Variants in HPSE2 observed in about 807,000 individuals in gnomAD.
The protein encoded by HPSE2 is inactive heparanase-2.
In HPSE2, 38 loss-of-function variants were observed where a neutral mutation model predicts 60.5. The observed-to-expected ratio is 0.63, with a 90% CI of 0.48 to 0.82. The LOEUF (loss-of-function observed/expected upper bound fraction) is 0.82. HPSE2 is among the 40% of genes least tolerant of loss of function. The probability of loss-of-function intolerance (pLI) is 0.00; values close to 1 mark genes in which losing one functional copy is unlikely to be tolerated. For synonymous variants in HPSE2, 295 were observed against 293.2 expected, an observed-to-expected ratio of 1.01 and a Z score of -0.06; for missense variants, 713 against 740.4, an observed-to-expected ratio of 0.96 and a Z score of 0.43.
At chr10:98,471,538 C>T (rs1940779884) in intron 11 of HPSE2, among the ~76,000 whole-genome samples, 1 of 152,074 alleles carries the variant, frequency 6.6e-6, no homozygotes, top group Admixed American at 6.6e-5. Context: ...CAGGAGGCTA[C>T]ATTTTTTTTT....
At chr10:99,275,434 G>A in the HPSE2 span, among the ~76,000 whole-genome samples, 1 of 150,612 alleles carries the variant, frequency 6.6e-6, no homozygotes, top group Non-Finnish European at 1.5e-5. Context: ...TTTAACTTGG[G>A]ACATTTATGA....
chr10:98,643,777 T>A (rs1289648301), intron 6 of HPSE2, among the ~76,000 whole-genome samples: 1 of 152,176 alleles, frequency 6.6e-6, no homozygotes, highest in African/African-American at 2.4e-5. Flanking sequence ...AGTGTTAAAA[T>A]TAAAAATAAT....
At chr10:98,578,362 A>G (rs962576141) in intron 9 of HPSE2, among the ~76,000 whole-genome samples, 2 of 151,378 alleles carry the variant, frequency 1.3e-5, no homozygotes, top group African/African-American at 4.8e-5. Context: ...GACACTTTCA[A>G]CCAACTATTT....
intron 3 of HPSE2, among the ~76,000 whole-genome samples, chr10:98,972,465 T>C (rs1213042795): frequency 1.3e-5 from 2 of 152,166 alleles, no homozygotes; most frequent in Non-Finnish European, 1.5e-5. Context: ...CTCGAGCCCT[T>C]AGTTCACAGA....
the HPSE2 span, among the ~76,000 whole-genome samples, chr10:99,273,609 C>G: frequency 6.6e-6 from 1 of 152,168 alleles, no homozygotes; most frequent in Non-Finnish European, 1.5e-5. Flanking sequence ...AAACCAACCC[C>G]TAAAGATATG....
chr10:99,048,137 A>G, intron 3 of HPSE2: 1 of 927,664 alleles, frequency 1.1e-6, no homozygotes, highest in East Asian at 2.5e-5. Flanking sequence ...TAAGAAGCAA[A>G]TTGCTTTGAC....
intron 3 of HPSE2, among the ~76,000 whole-genome samples, chr10:99,061,535 T>C (rs1285297693): frequency 6.6e-6 from 1 of 152,252 alleles, no homozygotes; most frequent in Non-Finnish European, 1.5e-5. Flanking sequence ...TTATTGATTT[T>C]ATGGCTTTAA....
At chr10:98,492,765 T>C (rs951562359) in intron 9 of HPSE2, among the ~76,000 whole-genome samples, 1 of 151,884 alleles carries the variant, frequency 6.6e-6, no homozygotes, top group African/African-American at 2.4e-5. Flanking sequence ...AAGAAGTTGA[T>C]AAGGTTAATT....
chr10:99,048,613 G>A (rs11189952), intron 3 of HPSE2, among the ~76,000 whole-genome samples: 15,088 of 152,048 alleles, frequency 0.099, 809 homozygotes, highest in South Asian at 0.18. Context: ...AAAAGGGGGT[G>A]CTTATACACT....
chr10:99,264,069 G>GTTTCT, the HPSE2 span, among the ~76,000 whole-genome samples: 5 of 151,776 alleles, frequency 3.3e-5, no homozygotes, highest in Admixed American at 6.6e-5. Flanking sequence ...TCTCCTGGCA[G>GTTTCT]TTTCTTTTCT....
intron 3 of HPSE2, among the ~76,000 whole-genome samples, chr10:98,860,152 A>ATTTTTATT (rs1463685872): frequency 6.6e-6 from 1 of 152,160 alleles, no homozygotes; most frequent in Non-Finnish European, 1.5e-5. Flanking sequence ...ATATATCTAT[A>ATTTTTATT]TATTCCCTAT....
chr10:99,289,005 T>C, the HPSE2 span, among the ~76,000 whole-genome samples: 1 of 152,312 alleles, frequency 6.6e-6, no homozygotes, highest in Admixed American at 6.5e-5. Flanking sequence ...TATAATTAAA[T>C]TGGGCCATGG....
At chr10:98,852,151 GTGTGTGTGTGTGTGTATA>G (rs1311129998) in intron 3 of HPSE2, among the ~76,000 whole-genome samples, 4,854 of 139,694 alleles carry the variant, frequency 0.035, 306 homozygotes, top group African/African-American at 0.12. Flanking sequence ...GTGTGTGTGT[GTGTGTGTGTGTGTGTATA>G]TATGTTTGGT....
chr10:98,964,478 C>T (rs189119016), intron 3 of HPSE2, among the ~76,000 whole-genome samples: 1 of 152,116 alleles, frequency 6.6e-6, no homozygotes, highest in African/African-American at 2.4e-5. Flanking sequence ...GAGCACATTG[C>T]TTATTACATT....
Position 99,144,367 on chromosome 10 carries a change from G to C in HPSE2, c.481C>G (p.Gln161Glu). ...TGCTGGGCAATCTTGCAGCCTTTCT[G>C]TTTATCTAAGGCAACATCACTTCGA... Reference protein sequence around the residue: ...IVRSDVALDKQKGCKIAQHPD... With the variant: ...IVRSDVALDKEKGCKIAQHPD... Residue 161 changes from glutamine to glutamate, a missense_variant, in exon 3 of 12, where the codon CAG becomes GAG. By Grantham distance (29) the Gln-to-Glu change is conservative. Coordinates refer to ENST00000370552, the MANE Select transcript of HPSE2 (RefSeq NM_021828.5). 1 of 1,613,958 alleles carries C rather than the reference G, an allele frequency of 6.2e-7. No individual in the cohort carries two copies. The highest frequency in any genetic ancestry group is 8.5e-7 in the Non-Finnish European group (1 of 1,179,976).
At chr10:99,024,864 A>C (rs2135434656) in intron 3 of HPSE2, among the ~76,000 whole-genome samples, 1 of 152,274 alleles carries the variant, frequency 6.6e-6, no homozygotes, top group African/African-American at 2.4e-5. Context: ...TCCCACACAA[A>C]CAAAAGCTGA....
At chr10:99,122,995 T>C (rs1845017821) in intron 3 of HPSE2, among the ~76,000 whole-genome samples, 1 of 152,026 alleles carries the variant, frequency 6.6e-6, no homozygotes, top group Non-Finnish European at 1.5e-5. Flanking sequence ...ATATAATATA[T>C]AACATCTATG....
chr10:98,553,829 T>C (rs1943929184), intron 9 of HPSE2, among the ~76,000 whole-genome samples: 2 of 152,210 alleles, frequency 1.3e-5, no homozygotes. Context: ...CCTGTGCTGT[T>C]TTGGGGGGCT....
intron 3 of HPSE2, among the ~76,000 whole-genome samples, chr10:99,104,065 T>G (rs923911129): frequency 6.6e-6 from 1 of 152,194 alleles, no homozygotes; most frequent in Admixed American, 6.5e-5. Flanking sequence ...ATTCAGGACA[T>G]AGGCATGGAC....
Sources: gnomAD v4.1 joint callset for allele counts (sites outside exome capture counted in the v4.1 genomes callset) on GRCh38, gnomAD v4.1.1 for gene constraint, MANE v1.5 for transcripts, NCBI Gene and HGNC (gene_info 2026-07-23, HGNC 2026-07-21) for gene names.